TRAP1: variants seen among roughly 807,000 people sequenced by gnomAD.
The protein encoded by TRAP1 is heat shock protein 75 kDa, mitochondrial.
In TRAP1, 102 loss-of-function variants were observed where a neutral mutation model predicts 89.1. That is an observed-to-expected ratio of 1.15 (90% CI 0.98 to 1.35). The LOEUF (loss-of-function observed/expected upper bound fraction) is 1.35. Ranked by LOEUF, TRAP1 falls within the 40% of genes most tolerant of loss-of-function variation. The pLI is 0.00. For missense variants in TRAP1, 1,256 were observed against 945.3 expected (o/e 1.33, Z -4.31); for synonymous variants, 508 against 388.0 (o/e 1.31, Z -3.64).
intron 1 of TRAP1, among the ~76,000 whole-genome samples, chr16:3,703,948 G>C (rs2051404218): frequency 6.7e-6 from 1 of 149,610 alleles, no homozygotes; most frequent in Middle Eastern, 3.4e-3. Flanking sequence ...GCGGGAGGCG[G>C]AGCGTGCAGT....
chr16:3,710,879 A>ATATATATATATATATATTT (rs71133652), intron 1 of TRAP1, among the ~76,000 whole-genome samples: 1 of 125,834 alleles, frequency 7.9e-6, no homozygotes, highest in Admixed American at 8.3e-5. Flanking sequence ...ATATATATAT[A>ATATATATATATATATATTT]TTTTTTTTTT....
intron 6 of TRAP1, chr16:3,677,075 A>G: frequency 6.1e-6 from 1 of 163,326 alleles, no homozygotes; most frequent in East Asian, 1.9e-4. Flanking sequence ...AAAAAAAAAA[A>G]AGCCCCCAGC....
intron 6 of TRAP1, chr16:3,676,469 A>G: frequency 5.0e-6 from 1 of 200,974 alleles, no homozygotes; most frequent in East Asian, 1.2e-4. Flanking sequence ...GGACTGGCCC[A>G]GCTCCAAATC....
At chr16:3,659,443 C>A (rs190841080) in intron 16 of TRAP1, 2 of 152,278 alleles carry the variant, frequency 1.3e-5, no homozygotes, top group East Asian at 3.9e-4. Flanking sequence ...AGAAATGTTT[C>A]ATCATCTCAG....
chr16:3,692,275 C>G (rs901237295), intron 1 of TRAP1, among the ~76,000 whole-genome samples: 6 of 152,154 alleles, frequency 3.9e-5, no homozygotes, highest in African/African-American at 1.4e-4. Context: ...GTGGCTCACG[C>G]CCGTAAACCC....
chr16:3,701,882 A>C (rs895132374), intron 1 of TRAP1, among the ~76,000 whole-genome samples: 1 of 152,206 alleles, frequency 6.6e-6, no homozygotes, highest in Non-Finnish European at 1.5e-5. Context: ...TAATCAAACC[A>C]TATTTATTTA....
intron 1 of TRAP1, among the ~76,000 whole-genome samples, chr16:3,699,239 G>A (rs1171798637): frequency 2.6e-5 from 4 of 152,130 alleles, no homozygotes; most frequent in Non-Finnish European, 5.9e-5. Flanking sequence ...GCAGGGCCTG[G>A]CTGCAGGCCC....
intron 1 of TRAP1, among the ~76,000 whole-genome samples, chr16:3,709,079 T>C (rs11642005): frequency 6.6e-6 from 1 of 151,832 alleles, no homozygotes; most frequent in African/African-American, 2.4e-5. Flanking sequence ...CCTCCCACAG[T>C]GCTGGGATTA....
In TRAP1 at chr16:3,675,513, C is replaced by T. The variant is rs557316521; in HGVS notation, c.815-116G>A. The T allele has an allele frequency of 1.8e-5, 17 of 950,236 alleles. No individual in the cohort carries two copies. The South Asian group carries it at 2.0e-4, about 11-fold the overall frequency. The allele number at this position is 950,236 out of a possible 1,614,324, so 58.9% of individuals were successfully genotyped here. A position where few individuals can be genotyped will look rare whatever the true frequency, so the allele number is the denominator to read the frequency against. On this transcript the variant is annotated intron_variant, in intron 7 of 17. Transcript: ENST00000246957. ...TGGGAAGGGTCCTCCATGCTGTGTA[C>T]ACTTCACAGGTACAGAAACAGGGCA...
Position 3,658,851 on chromosome 16 carries a change from T to C in TRAP1, c.1955A>G (p.Lys652Arg), listed in dbSNP as rs780884537. ...GCTTGCGCGCAGCTGATTCAGCTTC[T>C]TGATGAGCGCGTGCCTGCAACACAG... is the stretch of plus-strand genomic sequence containing the variant. ...LEINPRHALI[K>R]KLNQLRASEP... Residue 652 changes from lysine (K) to arginine (R), a missense_variant, in exon 17 of 18, where the codon AAG becomes AGG. Lys to Arg is a conservative substitution (Grantham distance 26). Transcript: ENST00000246957. 9 of 1,614,082 alleles carry C rather than the reference T, an allele frequency of 5.6e-6. No homozygotes were observed. Among genetic ancestry groups the C allele is most frequent in the Middle Eastern group, 1.6e-4 (1 of 6,062 alleles).
chr16:3,711,802 C>G (rs1310746095), intron 1 of TRAP1, among the ~76,000 whole-genome samples: 3 of 152,160 alleles, frequency 2.0e-5, no homozygotes, highest in African/African-American at 7.2e-5. Flanking sequence ...AGGGAAGCCA[C>G]TTTGTGGACT....
intron 11 of TRAP1, among the ~76,000 whole-genome samples, chr16:3,666,683 G>A (rs2050836047): frequency 6.6e-6 from 1 of 152,078 alleles, no homozygotes; most frequent in South Asian, 2.1e-4. Context: ...TACAGGCAAA[G>A]AATGCACATT....
intron 1 of TRAP1, among the ~76,000 whole-genome samples, chr16:3,703,261 A>G (rs2051393560): frequency 6.6e-6 from 1 of 151,504 alleles, no homozygotes; most frequent in Non-Finnish European, 1.5e-5. Flanking sequence ...AAACACTACT[A>G]GGGCCAAAGA....
At chr16:3,659,718 C>CCTAA (rs1245002355) in intron 16 of TRAP1, 1 of 151,656 alleles carries the variant, frequency 6.6e-6, no homozygotes, top group African/African-American at 2.4e-5. Context: ...CATTCCATTT[C>CCTAA]CTAACTGCAT....
In TRAP1 at chr16:3,658,122, C is replaced by CTGGCTGT. The variant is rs749743184; in HGVS notation, c.2115_*6dup. On this transcript the variant is annotated 3_prime_UTR_variant, in exon 18 of 18. Transcript: ENST00000246957. Reference sequence around the variant, plus strand: ...CTGTGGTGTCAGTCCTTCTGGCCCCCTGGCTGTCAGTGTCGCTCCAGGGCC... The same window carrying CTGGCTGT: ...CTGTGGTGTCAGTCCTTCTGGCCCCCTGGCTGTTGGCTGTCAGTGTCGCTCCAGGGCC... The CTGGCTGT allele has an allele frequency of 2.5e-6, 4 of 1,613,888 alleles. No individual in the cohort carries two copies. In the South Asian group the frequency reaches 4.4e-5, roughly 18 times the overall value.
At chr16:3,676,920 G>GGC (rs1246259548) in intron 6 of TRAP1, 1 of 153,154 alleles carries the variant, frequency 6.5e-6, no homozygotes, top group South Asian at 2.1e-4. Context: ...TGGGCGTGGT[G>GGC]GCATGCGCCT....
intron 3 of TRAP1, 98 bp downstream of exon 3, chr16:3,688,957 A>C: frequency 8.9e-7 from 1 of 1,118,676 alleles, no homozygotes; most frequent in Non-Finnish European, 1.3e-6. Flanking sequence ...GCTTTCTCAC[A>C]GCTAATATAT....
chr16:3,708,420 T>C (rs1046212623), intron 1 of TRAP1, among the ~76,000 whole-genome samples: 1 of 151,862 alleles, frequency 6.6e-6, no homozygotes, highest in African/African-American at 2.4e-5. Flanking sequence ...GGATGGATCA[T>C]GAGGTCAGGA....
At chr16:3,705,190 G>A (rs970803377) in intron 1 of TRAP1, among the ~76,000 whole-genome samples, 1 of 151,842 alleles carries the variant, frequency 6.6e-6, no homozygotes, top group Non-Finnish European at 1.5e-5. Context: ...TCAGCGTCCC[G>A]AGTAGCTGGG....
Sources: gnomAD v4.1 joint callset for allele counts (sites outside exome capture counted in the v4.1 genomes callset) on GRCh38, gnomAD v4.1.1 for gene constraint, MANE v1.5 for transcripts, NCBI Gene and HGNC (gene_info 2026-07-23, HGNC 2026-07-21) for gene names.